The following PPFIA2 variants were observed in gnomAD, a reference collection of about 807,000 sequenced individuals.
PPFIA2 encodes liprin-alpha-2.
PPFIA2 carries 46 observed loss-of-function variants against 175.5 expected under a neutral mutation model. The ratio of observed to expected loss-of-function variants is 0.26; its 90% CI spans 0.21 to 0.34. The LOEUF is 0.34. Ranked by LOEUF, PPFIA2 falls within the 10% of genes least tolerant of loss-of-function variation. The pLI, the probability that PPFIA2 is intolerant of heterozygous loss-of-function variation, is 1.00. For missense variants in PPFIA2, 1,179 were observed against 1,506.1 expected (o/e 0.78, Z 3.60); for synonymous variants, 568 against 511.4 (o/e 1.11, Z -1.49).
chr12:81,658,733 G>A (rs201761891), intron 4 of PPFIA2, among the ~76,000 whole-genome samples: 30 of 151,648 alleles, frequency 2.0e-4, no homozygotes, highest in East Asian at 1.4e-3. Flanking sequence ...TATGTTTAAG[G>A]GTTGTATATA....
chr12:81,260,569 CA>C (rs1463631362), intron 32 of PPFIA2: 9 of 151,898 alleles, frequency 5.9e-5, no homozygotes, highest in Admixed American at 5.9e-4. Flanking sequence ...AATTATATAC[CA>C]TAATTAAAAT....
chr12:81,394,970 A>G (rs2040846420), intron 8 of PPFIA2, among the ~76,000 whole-genome samples: 1 of 152,082 alleles, frequency 6.6e-6, no homozygotes, highest in Non-Finnish European at 1.5e-5. Flanking sequence ...TAGCATTATT[A>G]TTAAAGTCTA....
chr12:81,714,703 G>A (rs1203416623), intron 3 of PPFIA2, among the ~76,000 whole-genome samples: 3 of 151,024 alleles, frequency 2.0e-5, no homozygotes, highest in Non-Finnish European at 3.0e-5. Context: ...GAGGGTCTGA[G>A]TATCCTTCAG....
intron 4 of PPFIA2, among the ~76,000 whole-genome samples, chr12:81,486,346 A>G (rs2058819558): frequency 6.6e-6 from 1 of 151,892 alleles, no homozygotes; most frequent in Non-Finnish European, 1.5e-5. Flanking sequence ...AATCACTAAG[A>G]CTGTACTTCT....
At chr12:81,474,137 C>A (rs1027987580) in intron 4 of PPFIA2, among the ~76,000 whole-genome samples, 9 of 151,806 alleles carry the variant, frequency 5.9e-5, no homozygotes, top group African/African-American at 2.2e-4. Context: ...GAATTGTATT[C>A]TTTATTTTTA....
chr12:81,445,750 C>T, intron 5 of PPFIA2, 30 bp from the exon 6 acceptor site: 5 of 1,594,288 alleles, frequency 3.1e-6, no homozygotes, highest in Non-Finnish European at 3.4e-6. Flanking sequence ...ATGCAATTAT[C>T]TTATGAATAC....
At chr12:81,416,618 T>C (rs2045314858) in intron 7 of PPFIA2, among the ~76,000 whole-genome samples, 1 of 151,642 alleles carries the variant, frequency 6.6e-6, no homozygotes, top group South Asian at 2.1e-4. Context: ...CTGAAGGTAT[T>C]GATTATTATA....
At chr12:81,685,909 A>G (rs1251940328) in intron 3 of PPFIA2, among the ~76,000 whole-genome samples, 1 of 152,078 alleles carries the variant, frequency 6.6e-6, no homozygotes, top group Non-Finnish European at 1.5e-5. Context: ...CTGCCGCATT[A>G]GGTAACATCG....
chr12:81,557,720 T>C (rs2069150430), intron 4 of PPFIA2, among the ~76,000 whole-genome samples: 1 of 152,094 alleles, frequency 6.6e-6, no homozygotes, highest in Non-Finnish European at 1.5e-5. Flanking sequence ...TTCATAAAAA[T>C]ACACTAAGCT....
intron 4 of PPFIA2, among the ~76,000 whole-genome samples, chr12:81,612,190 C>A (rs2060993580): frequency 6.6e-6 from 1 of 151,698 alleles, no homozygotes; most frequent in South Asian, 2.1e-4. Context: ...ACTCATACAT[C>A]CTACTTCTGG....
At chr12:81,654,036 T>C (rs2067405756) in intron 4 of PPFIA2, among the ~76,000 whole-genome samples, 1 of 151,902 alleles carries the variant, frequency 6.6e-6, no homozygotes, top group African/African-American at 2.4e-5. Flanking sequence ...AATTTAACTG[T>C]CATGGCATAT....
intron 8 of PPFIA2, among the ~76,000 whole-genome samples, chr12:81,393,040 T>C (rs1181264132): frequency 1.3e-5 from 2 of 152,072 alleles, no homozygotes; most frequent in African/African-American, 4.8e-5. Context: ...AACTGGTTCT[T>C]TTTTTCTAAC....
chr12:81,679,308 T>A (rs1175775230), intron 3 of PPFIA2, among the ~76,000 whole-genome samples: 1 of 151,900 alleles, frequency 6.6e-6, no homozygotes, highest in Non-Finnish European at 1.5e-5. Context: ...TTGGAGTTAA[T>A]ACATGTCTTT....
intron 4 of PPFIA2, among the ~76,000 whole-genome samples, chr12:81,460,674 C>T (rs2054368850): frequency 6.6e-6 from 1 of 152,106 alleles, no homozygotes; most frequent in Non-Finnish European, 1.5e-5. Flanking sequence ...TACCTATTCT[C>T]CTTACTGTGA....
At chr12:81,547,602 C>A (rs1401842538) in intron 4 of PPFIA2, among the ~76,000 whole-genome samples, 2 of 151,880 alleles carry the variant, frequency 1.3e-5, no homozygotes. Context: ...CTCGAACTTA[C>A]TGACTAAGTT....
chr12:81,625,228 C>G lies in PPFIA2; in HGVS notation c.303+51563G>C, dbSNP rs186414680. Among the ~76,000 whole-genome samples the G allele has an allele frequency of 2.0e-5, 3 of 151,828 alleles. No homozygotes were observed. The East Asian group carries it at 5.8e-4, about 29-fold the overall frequency. ...CATGGATGTCAGAAATGTATCTTTT[C>G]AGCTCATGAGAATCATGAGGTTCCT... On this transcript the variant is annotated intron_variant, in intron 4 of 32. Transcript: ENST00000549396.
At chr12:81,459,594 G>A (rs746245847) in intron 4 of PPFIA2, among the ~76,000 whole-genome samples, 1 of 152,104 alleles carries the variant, frequency 6.6e-6, no homozygotes, top group Non-Finnish European at 1.5e-5. Flanking sequence ...TTACAATGGA[G>A]AAATATGTTT....
intron 4 of PPFIA2, among the ~76,000 whole-genome samples, chr12:81,461,700 A>G (rs2054564519): frequency 6.6e-6 from 1 of 152,018 alleles, no homozygotes; most frequent in Non-Finnish European, 1.5e-5. Flanking sequence ...TTCTGCAACT[A>G]CTGTGAAACA....
rs2039668352 is a variant in PPFIA2, at chr12:81,273,406, C to CT, written c.3310+3910dup. 2.0e-5 allele frequency among the ~76,000 whole-genome samples: 3 copies of CT among 152,052 alleles called. No individual in the cohort carries two copies. In the South Asian group the frequency reaches 6.2e-4, roughly 31 times the overall value. On this transcript the variant is annotated intron_variant, in intron 28 of 32. Transcript: ENST00000549396. ...AGTTTTACTATTTCCTTACATTTTT[C>CT]TTTTTTCCAAGATCATAACCTCTCA...
Sources: gnomAD v4.1 joint callset for allele counts (sites outside exome capture counted in the v4.1 genomes callset) on GRCh38, gnomAD v4.1.1 for gene constraint, MANE v1.5 for transcripts, NCBI Gene and HGNC (gene_info 2026-07-23, HGNC 2026-07-21) for gene names.